The following ATP2B1 variants were observed in gnomAD, a reference collection of about 807,000 sequenced individuals.
ATP2B1 encodes the protein ATPase plasma membrane Ca2+ transporting 1, also known as plasma membrane calcium-transporting ATPase 1.
A neutral mutation model predicts 124.2 loss-of-function variants in ATP2B1; 14 were observed. The ratio of observed to expected loss-of-function variants is 0.11; its 90% CI spans 0.07 to 0.18. ATP2B1 has a LOEUF of 0.18. Ranked by LOEUF, ATP2B1 falls within the 10% of genes least tolerant of loss-of-function variation. ATP2B1 has a pLI of 1.00. For synonymous variants in ATP2B1, 449 were observed against 492.4 expected, an observed-to-expected ratio of 0.91 and a Z score of 1.17; for missense variants, 763 against 1,466.1, an observed-to-expected ratio of 0.52 and a Z score of 7.83.
At chr12:89,633,402 T>C (rs1479932370) in intron 5 of ATP2B1, among the ~76,000 whole-genome samples, 4 of 151,934 alleles carry the variant, frequency 2.6e-5, no homozygotes, top group African/African-American at 9.7e-5. Flanking sequence ...GCTGCACCCA[T>C]TAACTCGTCA....
intron 11 of ATP2B1, 127 bp downstream of exon 11, chr12:89,619,872 C>A: frequency 8.2e-7 from 1 of 1,220,826 alleles, no homozygotes; most frequent in Non-Finnish European, 1.1e-6. Context: ...ATAAAATATG[C>A]TAAAAAACTC....
At chr12:89,619,167 T>C (rs77619647) in intron 11 of ATP2B1, among the ~76,000 whole-genome samples, 2,624 of 152,310 alleles carry the variant, frequency 0.017, 82 homozygotes, top group African/African-American at 0.061. Flanking sequence ...GATATTTAAA[T>C]ACGACACTGC....
chr12:89,628,769 C>G (rs1881352670), intron 6 of ATP2B1, among the ~76,000 whole-genome samples: 1 of 152,024 alleles, frequency 6.6e-6, no homozygotes, highest in Non-Finnish European at 1.5e-5. Flanking sequence ...CAAACATGGT[C>G]AAGAAGGAAT....
chr12:89,626,554 A>G lies in ATP2B1; in HGVS notation c.1029T>C (p.Asp343=). 1 of 1,613,650 alleles carries G rather than the reference A, an allele frequency of 6.2e-7. No individual in the cohort carries two copies. Among genetic ancestry groups the G allele is most frequent in the Non-Finnish European group, 8.5e-7 (1 of 1,179,892 alleles). Residue 343 remains aspartate (D), a synonymous_variant, in exon 8 of 21, where the codon GAT becomes GAC. Transcript: ENST00000428670. Reference sequence around the variant, plus strand: ...CTTTCTTTTTATCTTTTTCATCACCATCTCCACCTTCTTCACTCTTCAATG... The same window carrying G: ...CTTTCTTTTTATCTTTTTCATCACCGTCTCCACCTTCTTCACTCTTCAATG... ...MQPLKSEEGG[D]GDEKDKKKAN... is the part of the protein sequence containing the mutation.
intron 1 of ATP2B1, among the ~76,000 whole-genome samples, chr12:89,700,547 TA>T (rs910937589): frequency 6.6e-6 from 1 of 152,318 alleles, no homozygotes; most frequent in East Asian, 1.9e-4. Context: ...TTAGAGGTAC[TA>T]AAAAAATCTA....
intron 1 of ATP2B1, among the ~76,000 whole-genome samples, chr12:89,693,429 G>C (rs1178790147): frequency 6.6e-6 from 1 of 152,114 alleles, no homozygotes. Flanking sequence ...TAAATGATAA[G>C]CACCTAACTT....
intron 2 of ATP2B1, among the ~76,000 whole-genome samples, chr12:89,646,844 A>G (rs994440164): frequency 6.6e-6 from 1 of 151,448 alleles, no homozygotes; most frequent in Admixed American, 6.6e-5. Flanking sequence ...TTTTTTTTTA[A>G]AAGTAGGTGA....
intron 3 of ATP2B1, among the ~76,000 whole-genome samples, chr12:89,636,936 A>G (rs1418266712): frequency 6.6e-6 from 1 of 152,222 alleles, no homozygotes; most frequent in Non-Finnish European, 1.5e-5. Flanking sequence ...TTTAACAGTC[A>G]AGGCTGTAAG....
intron 2 of ATP2B1, among the ~76,000 whole-genome samples, chr12:89,643,176 GTATA>G (rs1883895672): frequency 6.7e-6 from 1 of 148,584 alleles, no homozygotes; most frequent in Non-Finnish European, 1.5e-5. Flanking sequence ...ATGTATATAT[GTATA>G]TGTATGTATA....
chr12:89,602,054 G>A (rs931855222), intron 18 of ATP2B1, among the ~76,000 whole-genome samples: 2 of 152,196 alleles, frequency 1.3e-5, no homozygotes, highest in Admixed American at 1.3e-4. Flanking sequence ...AGTGAGGTCT[G>A]ATGATGAATA....
Position 89,674,069 on chromosome 12 carries a change from T to C in ATP2B1, c.-221-17962A>G, listed in dbSNP as rs75432844. Among the ~76,000 whole-genome samples, 1,047 of 152,298 alleles carry C rather than the reference T, an allele frequency of 6.9e-3. 11 individuals carry two copies. The highest frequency in any genetic ancestry group is 0.023 in the African/African-American group (940 of 41,576). ...GGCAAGAAAAGACCAGGTATTCATA[T>C]AGTATTTCCTCATTCAAGGCTTATC... is the stretch of plus-strand genomic sequence containing the variant. On this transcript the variant is annotated intron_variant, in intron 1 of 20. Coordinates refer to ENST00000428670, the MANE Select transcript of ATP2B1 (RefSeq NM_001366521.1).
intron 1 of ATP2B1, among the ~76,000 whole-genome samples, chr12:89,657,600 T>C (rs1361403752): frequency 6.6e-6 from 1 of 152,214 alleles, no homozygotes. Context: ...TGTCTGTACA[T>C]CATGGTGTAT....
intron 2 of ATP2B1, among the ~76,000 whole-genome samples, chr12:89,651,013 T>C (rs1346021122): frequency 6.6e-6 from 1 of 152,216 alleles, no homozygotes; most frequent in Non-Finnish European, 1.5e-5. Flanking sequence ...GTAAGACAGA[T>C]GCTTTCTCTA....
chr12:89,659,997 A>C (rs1000903452), intron 1 of ATP2B1, among the ~76,000 whole-genome samples: 2 of 151,984 alleles, frequency 1.3e-5, no homozygotes, highest in African/African-American at 4.8e-5. Context: ...TTATTAGAAA[A>C]ACTAAATAAA....
At chr12:89,635,457 G>C (rs1882549654) in intron 3 of ATP2B1, among the ~76,000 whole-genome samples, 2 of 152,134 alleles carry the variant, frequency 1.3e-5, no homozygotes, top group Admixed American at 1.3e-4. Flanking sequence ...TCTCAGTAGA[G>C]GGAGGCAGTC....
chr12:89,624,053 A>C (rs1880439054), intron 9 of ATP2B1, 130 bp downstream of exon 9: 1 of 799,270 alleles, frequency 1.3e-6, no homozygotes, highest in Non-Finnish European at 2.0e-6. Flanking sequence ...CAACATTTCT[A>C]GAGAAAATAG....
chr12:89,697,294 A>T (rs895567470), intron 1 of ATP2B1, among the ~76,000 whole-genome samples: 1 of 152,178 alleles, frequency 6.6e-6, no homozygotes, highest in Admixed American at 6.5e-5. Context: ...GGAAGACTCA[A>T]GAAACCAAAT....
intron 20 of ATP2B1, among the ~76,000 whole-genome samples, chr12:89,596,173 T>A (rs749119103): frequency 2.6e-5 from 4 of 152,028 alleles, no homozygotes; most frequent in African/African-American, 4.8e-5. Context: ...CCATCTGATA[T>A]CCCTCTAAAT....
At chr12:89,649,587 T>C (rs1322151715) in intron 2 of ATP2B1, among the ~76,000 whole-genome samples, 3 of 152,204 alleles carry the variant, frequency 2.0e-5, no homozygotes, top group African/African-American at 7.2e-5. Flanking sequence ...CATCTCCAGA[T>C]GAGATTTTGG....
Sources: allele counts gnomAD v4.1 joint callset (sites outside exome capture counted in the v4.1 genomes callset), GRCh38; gene constraint gnomAD v4.1.1; transcripts MANE v1.5; gene names NCBI Gene and HGNC (gene_info 2026-07-23, HGNC 2026-07-21).